The following GLYAT variants were observed in gnomAD, a reference collection of about 807,000 sequenced individuals.
The protein encoded by GLYAT is glycine-N-acyltransferase.
Under a neutral mutation model 22.8 loss-of-function variants are expected in GLYAT, and 25 were observed. That is an observed-to-expected ratio of 1.09 (90% CI 0.80 to 1.53). GLYAT has a LOEUF of 1.53. Among genes scored for constraint, GLYAT ranks in the 40% most tolerant of loss-of-function variants. GLYAT has a pLI of 0.00. For synonymous variants in GLYAT, 140 were observed against 122.7 expected, an observed-to-expected ratio of 1.14 and a Z score of -0.93; for missense variants, 411 against 353.9, an observed-to-expected ratio of 1.16 and a Z score of -1.29.
chr11:58,715,461 T>C (rs754410248), intron 2 of GLYAT, 38 bp from the exon 3 acceptor site: 1 of 905,814 alleles, frequency 1.1e-6, no homozygotes, highest in South Asian at 1.4e-5. Flanking sequence ...TTGGTTTATT[T>C]GAAAAAAACA....
intron 1 of GLYAT, 54 bp from the exon 2 acceptor site, chr11:58,724,565 G>A: frequency 1.1e-6 from 1 of 932,340 alleles, no homozygotes; most frequent in Non-Finnish European, 1.6e-6. Flanking sequence ...AGGAGATTCT[G>A]AAACAAGAGT....
rs572172884 is a variant in GLYAT at position 58,729,806 on chromosome 11, A to C, written c.-16+2029T>G. On this transcript the variant is annotated intron_variant, in intron 1 of 5. Coordinates refer to ENST00000344743, the MANE Select transcript of GLYAT (RefSeq NM_201648.3). ...TATCTAAGGGTCTTAGGATGATAAA[A>C]GTATAACATTCCTAAAGGCTAATCT... Among the ~76,000 whole-genome samples the C allele has an allele frequency of 3.9e-5, 6 of 152,332 alleles. 1 individual carries two copies. Among genetic ancestry groups the C allele is most frequent in the African/African-American group, 1.4e-4 (6 of 41,588 alleles).
At chr11:58,724,771 C>T (rs1245070433) in intron 1 of GLYAT, among the ~76,000 whole-genome samples, 1 of 152,186 alleles carries the variant, frequency 6.6e-6, no homozygotes, top group East Asian at 1.9e-4. Context: ...TTTTTAAATA[C>T]ACATAATATC....
chr11:58,717,756 A>G (rs1488214889), intron 2 of GLYAT, among the ~76,000 whole-genome samples: 1 of 152,064 alleles, frequency 6.6e-6, no homozygotes, highest in African/African-American at 2.4e-5. Context: ...AAAACAAATT[A>G]TGGTAGGACT....
intron 5 of GLYAT, 167 bp from the exon 6 acceptor site, chr11:58,710,335 G>A (rs1856598106): frequency 1.7e-6 from 2 of 1,193,356 alleles, no homozygotes; most frequent in East Asian, 5.1e-5. Context: ...GGTCAGAGCT[G>A]TTGGAGGAAG....
At chr11:58,722,845 C>A (rs1000551388) in intron 2 of GLYAT, among the ~76,000 whole-genome samples, 5 of 152,020 alleles carry the variant, frequency 3.3e-5, no homozygotes, top group African/African-American at 1.2e-4. Context: ...CTTAACTAGG[C>A]CTCAAGTAAT....
intron 2 of GLYAT, among the ~76,000 whole-genome samples, chr11:58,722,390 C>A (rs549304825): frequency 1.4e-4 from 21 of 152,120 alleles, no homozygotes; most frequent in African/African-American, 4.8e-4. Flanking sequence ...GTGGTCAGGG[C>A]ACACTTGGTT....
intron 2 of GLYAT, among the ~76,000 whole-genome samples, chr11:58,716,881 G>A (rs1856687766): frequency 6.6e-6 from 1 of 152,096 alleles, no homozygotes; most frequent in Non-Finnish European, 1.5e-5. Context: ...ATATATGTAA[G>A]AAGTACACTG....
intron 2 of GLYAT, among the ~76,000 whole-genome samples, chr11:58,719,047 T>C (rs1188923437): frequency 6.6e-6 from 1 of 151,976 alleles, no homozygotes; most frequent in African/African-American, 2.4e-5. Context: ...CCAAATTGTG[T>C]CATTTTTGTA....
intron 2 of GLYAT, among the ~76,000 whole-genome samples, chr11:58,716,202 G>A (rs1202568852): frequency 5.3e-5 from 8 of 152,112 alleles, no homozygotes; most frequent in African/African-American, 1.2e-4. Context: ...CAGACAGTAA[G>A]TGTCCTTATG....
chr11:58,728,859 AAAGAAAG>A (rs1856837759), intron 1 of GLYAT: 7 of 90,636 alleles, frequency 7.7e-5, no homozygotes, highest in African/African-American at 3.2e-4. Flanking sequence ...AAGAAGAAAG[AAAGAAAG>A]AAAGAAAGAA....
At chr11:58,715,636 G>A (rs1229934631) in intron 2 of GLYAT, among the ~76,000 whole-genome samples, 1 of 152,140 alleles carries the variant, frequency 6.6e-6, no homozygotes, top group Non-Finnish European at 1.5e-5. Flanking sequence ...CAGGCCACTT[G>A]TCCATCAGAG....
Position 58,709,587 on chromosome 11 carries a change from A to C in GLYAT, c.*179T>G. 6.7e-6 allele frequency: 4 copies of C among 600,174 alleles called. No homozygotes were observed. The highest frequency in any genetic ancestry group is 1.8e-5 in the African/African-American group (1 of 54,608). The allele number at this position is 600,174 out of a possible 1,614,324, so 37.2% of individuals were successfully genotyped here. The stretch of plus-strand genomic sequence containing the variant: ...GGACCTGGGCCTGCTTCCCACTGAG[A>C]AACCTGTGAATGCAGGGACCATGGC... On this transcript the variant is annotated 3_prime_UTR_variant, in exon 6 of 6. Coordinates refer to ENST00000344743, the MANE Select transcript of GLYAT (RefSeq NM_201648.3).
At chr11:58,716,164 A>G (rs974064522) in intron 2 of GLYAT, among the ~76,000 whole-genome samples, 1 of 152,070 alleles carries the variant, frequency 6.6e-6, no homozygotes, top group African/African-American at 2.4e-5. Flanking sequence ...AGAGGGTAGG[A>G]GGTGAGAATG....
intron 2 of GLYAT, among the ~76,000 whole-genome samples, chr11:58,718,121 A>G (rs1484194819): frequency 6.6e-6 from 1 of 152,084 alleles, no homozygotes; most frequent in African/African-American, 2.4e-5. Context: ...TTGATTTCTT[A>G]AAGGAAAGCA....
At chr11:58,730,837 T>G (rs1374066502) in intron 1 of GLYAT, among the ~76,000 whole-genome samples, 1 of 152,106 alleles carries the variant, frequency 6.6e-6, no homozygotes, top group Admixed American at 6.6e-5. Flanking sequence ...CTGAACAAAA[T>G]CTCTATGTGC....
At chr11:58,731,323 T>C (rs1453423655) in intron 1 of GLYAT, among the ~76,000 whole-genome samples, 1 of 152,204 alleles carries the variant, frequency 6.6e-6, no homozygotes, top group Non-Finnish European at 1.5e-5. Context: ...CAAGAAGCTC[T>C]CAGATCTTTC....
At chr11:58,728,907 A>G (rs1270241223) in intron 1 of GLYAT, among the ~76,000 whole-genome samples, 1 of 136,594 alleles carries the variant, frequency 7.3e-6, no homozygotes, top group Non-Finnish European at 1.7e-5. Flanking sequence ...GGAAGGAAGG[A>G]AGGAAGGAAG....
At chr11:58,714,249 A>G (rs1283400786) in intron 3 of GLYAT, among the ~76,000 whole-genome samples, 2 of 152,182 alleles carry the variant, frequency 1.3e-5, no homozygotes, top group East Asian at 3.9e-4. Flanking sequence ...TTCAAGAGAC[A>G]TATTGTACAA....
Sources: gnomAD v4.1 joint callset for allele counts (sites outside exome capture counted in the v4.1 genomes callset) on GRCh38, gnomAD v4.1.1 for gene constraint, MANE v1.5 for transcripts, NCBI Gene and HGNC (gene_info 2026-07-23, HGNC 2026-07-21) for gene names.